The following SAP130 variants were observed in gnomAD, a reference collection of about 807,000 sequenced individuals.
SAP130 encodes histone deacetylase complex subunit SAP130.
SAP130 carries 16 observed loss-of-function variants against 103.2 expected under a neutral mutation model. That is an observed-to-expected ratio of 0.16 (90% CI 0.10 to 0.24). The LOEUF (loss-of-function observed/expected upper bound fraction) is 0.24, where lower values mean the gene tolerates loss of function less well. Ranked by LOEUF, SAP130 falls within the 10% of genes least tolerant of loss-of-function variation. The probability of loss-of-function intolerance (pLI) is 1.00; values close to 1 mark genes in which losing one functional copy is unlikely to be tolerated. For missense variants in SAP130, 990 were observed against 1,359.7 expected, an observed-to-expected ratio of 0.73 and a Z score of 4.28; for synonymous variants, 477 against 497.0, an observed-to-expected ratio of 0.96 and a Z score of 0.53.
chr2:127,983,418 T>A (rs1682100260), intron 14 of SAP130, among the ~76,000 whole-genome samples: 1 of 152,190 alleles, frequency 6.6e-6, no homozygotes, highest in African/African-American at 2.4e-5. Context: ...CAAGTGCTTT[T>A]GAGGAGAAAT....
intron 9 of SAP130, 95 bp downstream of exon 9, chr2:127,999,961 G>A (rs1683435895): frequency 4.8e-6 from 7 of 1,459,824 alleles, no homozygotes; most frequent in Non-Finnish European, 6.7e-6. Context: ...CTAGCCCGTT[G>A]TTTTTCTCTG....
At chr2:128,011,747 CTG>C (rs1684411199) in intron 6 of SAP130, among the ~76,000 whole-genome samples, 1 of 152,212 alleles carries the variant, frequency 6.6e-6, no homozygotes, top group African/African-American at 2.4e-5. Context: ...TTTCATACAT[CTG>C]TCTGTCCCCT....
At chr2:127,962,818 T>C (rs1050116762) in intron 15 of SAP130, among the ~76,000 whole-genome samples, 2 of 151,758 alleles carry the variant, frequency 1.3e-5, no homozygotes, top group Non-Finnish European at 1.5e-5. Context: ...ACACGGCACA[T>C]GTATACATAT....
intron 4 of SAP130, among the ~76,000 whole-genome samples, chr2:128,015,198 T>C (rs889275211): frequency 6.6e-6 from 1 of 152,236 alleles, no homozygotes; most frequent in Non-Finnish European, 1.5e-5. Context: ...TCATCTGCGA[T>C]ATTACCTTTC....
intron 5 of SAP130, among the ~76,000 whole-genome samples, chr2:128,013,698 C>T (rs1231690181): frequency 6.6e-6 from 1 of 152,172 alleles, no homozygotes; most frequent in Admixed American, 6.5e-5. Context: ...GTTGTAAAGT[C>T]TCCAATAAAA....
At chr2:127,967,917 A>G (rs1366330730) in intron 15 of SAP130, among the ~76,000 whole-genome samples, 1 of 152,226 alleles carries the variant, frequency 6.6e-6, no homozygotes, top group East Asian at 1.9e-4. Context: ...CAAAAAATTC[A>G]TAAAGTCTGA....
At chr2:127,999,597 T>C (rs1683405205) in intron 10 of SAP130, 144 bp downstream of exon 10, 1 of 436,692 alleles carries the variant, frequency 2.3e-6, no homozygotes, top group Non-Finnish European at 3.9e-6. Context: ...GAGTGAGACT[T>C]AAGGAAAGAA....
intron 15 of SAP130, among the ~76,000 whole-genome samples, chr2:127,972,459 T>A (rs1034983497): frequency 6.6e-6 from 1 of 151,718 alleles, no homozygotes; most frequent in Non-Finnish European, 1.5e-5. Flanking sequence ...AAAAACAATA[T>A]GAAAATCAGC....
chr2:127,995,813 G>A (rs1055273987), intron 11 of SAP130, among the ~76,000 whole-genome samples: 3 of 152,228 alleles, frequency 2.0e-5, no homozygotes, highest in East Asian at 1.9e-4. Context: ...TAACCAATAC[G>A]GGAAAAACAG....
intron 7 of SAP130, among the ~76,000 whole-genome samples, chr2:128,004,215 G>A (rs775823720): frequency 2.0e-5 from 3 of 151,232 alleles, no homozygotes; most frequent in Non-Finnish European, 4.4e-5. Context: ...AAATAGTAAG[G>A]AAAACAAAAA....
In SAP130 at chr2:127,993,226, G is replaced by A. The variant is rs1682935908; in HGVS notation, c.1438C>T (p.Pro480Ser). ...AYPLAAHTYT[P>S]ITSSVSTIRQ... ...ATAGTGGACACGGAACTGGTGATTGGGGTGTAGGTATGTGCCGCCAGTGGG... is the reference window on the plus strand; with the variant it reads ...ATAGTGGACACGGAACTGGTGATTGAGGTGTAGGTATGTGCCGCCAGTGGG... Residue 480 changes from proline to serine, a missense_variant, in exon 12 of 21, where the codon CCA becomes TCA. Transcript: ENST00000643581. The A allele has an allele frequency of 6.2e-7, 1 of 1,613,914 alleles. No homozygotes were observed. The highest frequency in any genetic ancestry group is 8.5e-7 in the Non-Finnish European group (1 of 1,179,984).
chr2:128,012,192 G>A (rs767871611), intron 6 of SAP130, among the ~76,000 whole-genome samples: 26 of 152,164 alleles, frequency 1.7e-4, no homozygotes, highest in Non-Finnish European at 1.9e-4. Context: ...ATTTTTGGCC[G>A]GGCACAGTAG....
rs545336450 is a variant in SAP130, at chr2:127,953,190, T to G, written c.2422+1796A>C. Among the ~76,000 whole-genome samples the G allele has an allele frequency of 1.3e-5, 2 of 152,214 alleles. No individual in the cohort carries two copies. Among genetic ancestry groups the G allele is most frequent in the African/African-American group, 4.8e-5 (2 of 41,454 alleles). On this transcript the variant is annotated intron_variant, in intron 16 of 20. Coordinates refer to ENST00000643581, the MANE Select transcript of SAP130 (RefSeq NM_001330301.2). The surrounding 1 kb of genome is among the most constrained non-coding windows in gnomAD (Gnocchi z 4.0). ...CCAATGGCAACTCTATGGCTTCCAG[T>G]TGCTAAGGCCAAAAATCTTGGAAAT...
intron 7 of SAP130, among the ~76,000 whole-genome samples, chr2:128,007,192 T>C (rs1178490204): frequency 1.3e-5 from 2 of 152,196 alleles, no homozygotes; most frequent in African/African-American, 2.4e-5. Flanking sequence ...CAAGCATGGA[T>C]TGAAAATATT....
intron 15 of SAP130, among the ~76,000 whole-genome samples, chr2:127,963,675 A>G (rs1291221264): frequency 6.6e-6 from 1 of 152,122 alleles, no homozygotes; most frequent in East Asian, 1.9e-4. Context: ...CCTGTGGGAG[A>G]TGACTGAATC....
At chr2:128,003,205 C>A (rs988264753) in intron 7 of SAP130, among the ~76,000 whole-genome samples, 10 of 151,472 alleles carry the variant, frequency 6.6e-5, no homozygotes, top group Non-Finnish European at 1.3e-4. Context: ...AAGAAAGAGA[C>A]TTTGATTAAA....
chr2:128,020,767 G>A (rs1055596975), intron 2 of SAP130, among the ~76,000 whole-genome samples: 1 of 152,120 alleles, frequency 6.6e-6, no homozygotes, highest in Non-Finnish European at 1.5e-5. Flanking sequence ...GGGAGGCTGA[G>A]GCAGGTGGAT....
At chr2:128,010,790 G>T (rs1382930902) in intron 6 of SAP130, among the ~76,000 whole-genome samples, 1 of 151,826 alleles carries the variant, frequency 6.6e-6, no homozygotes, top group Non-Finnish European at 1.5e-5. Context: ...CTTGAACCTG[G>T]GAGGCAGAGG....
At chr2:128,024,754 C>T (rs1175989921) in intron 2 of SAP130, among the ~76,000 whole-genome samples, 2 of 151,334 alleles carry the variant, frequency 1.3e-5, no homozygotes, top group Non-Finnish European at 2.9e-5. Flanking sequence ...GTAGCGCATG[C>T]CTGTAATCCC....
Sources: allele counts gnomAD v4.1 joint callset (sites outside exome capture counted in the v4.1 genomes callset), GRCh38; gene constraint gnomAD v4.1.1; non-coding constraint Gnocchi (gnomAD v3.1); transcripts MANE v1.5; gene names NCBI Gene and HGNC (gene_info 2026-07-23, HGNC 2026-07-21).